Variants in PKD2L2 observed in about 807,000 individuals in gnomAD.
PKD2L2 encodes polycystin-2-like protein 2.
PKD2L2 carries 67 observed loss-of-function variants against 83.9 expected under a neutral mutation model. That is an observed-to-expected ratio of 0.80 (90% CI 0.66 to 0.98). PKD2L2 has a LOEUF of 0.98. Among genes scored for constraint, PKD2L2 ranks in the 50% least tolerant of loss-of-function variants. PKD2L2 has a pLI of 0.00. For missense variants in PKD2L2, 632 were observed against 717.2 expected, an observed-to-expected ratio of 0.88 and a Z score of 1.36; for synonymous variants, 223 against 237.8, an observed-to-expected ratio of 0.94 and a Z score of 0.57.
chr5:137,917,174 T>TC (rs1758445557), intron 8 of PKD2L2, among the ~76,000 whole-genome samples: 1 of 150,104 alleles, frequency 6.7e-6, no homozygotes. Flanking sequence ...TTTTTTTTTT[T>TC]TTTTTGAGAT....
intron 7 of PKD2L2, among the ~76,000 whole-genome samples, chr5:137,908,433 C>G (rs886122684): frequency 6.6e-6 from 1 of 151,822 alleles, no homozygotes; most frequent in Non-Finnish European, 1.5e-5. Flanking sequence ...ACTAAAAATA[C>G]AAAAAATACT....
rs562822955 is a variant in PKD2L2, at chr5:137,898,235, G to A, written c.525-1281G>A. 1.3e-3 allele frequency among the ~76,000 whole-genome samples: 199 copies of A among 152,204 alleles called. 4 individuals are homozygous for A. The highest frequency in any genetic ancestry group is 0.01 in the Middle Eastern group (3 of 294). On this transcript the variant is annotated intron_variant, in intron 4 of 14. Transcript: ENST00000508883. The stretch of plus-strand genomic sequence containing the variant: ...GCCCACCTCAGTCTCCCAAAGTGCT[G>A]GGATTACAGGCATGAGCCATTGCAC...
intron 8 of PKD2L2, among the ~76,000 whole-genome samples, chr5:137,916,627 G>A (rs191193151): frequency 7.3e-5 from 11 of 151,470 alleles, no homozygotes; most frequent in Admixed American, 2.6e-4. Context: ...TTACAGATGC[G>A]CACCACCACA....
chr5:137,908,803 G>A lies in PKD2L2; in HGVS notation c.1185G>A (p.Gln395=). The part of the protein sequence containing the change: ...KFISFNKTMS[Q]LSSTLSRCVK... ...TAAGCTTTAACAAGACAATGTCTCA[G>A]CTGTCATCAACCTTGTCCCGTTGTG... is the stretch of plus-strand genomic sequence containing the variant. The change falls in exon 8 of 15, where the codon CAG becomes CAA. Residue 395 remains glutamine (Q), a synonymous_variant. Coordinates refer to ENST00000508883, the MANE Select transcript of PKD2L2 (RefSeq NM_001300921.2). The A allele has an allele frequency of 1.3e-6, 2 of 1,585,176 alleles. No individual in the cohort carries two copies. The highest frequency in any genetic ancestry group is 1.7e-6 in the Non-Finnish European group (2 of 1,162,624).
chr5:137,937,740 C>T (rs76067011), intron 14 of PKD2L2, among the ~76,000 whole-genome samples: 350 of 152,264 alleles, frequency 2.3e-3, no homozygotes, highest in South Asian at 4.6e-3. Context: ...GTTCTCTCTG[C>T]GGCTTCTCCC....
At chr5:137,914,026 C>T (rs1446028309) in intron 8 of PKD2L2, among the ~76,000 whole-genome samples, 2 of 128,242 alleles carry the variant, frequency 1.6e-5, no homozygotes, top group Middle Eastern at 5.0e-3. Context: ...CACCACCACA[C>T]TTGGCTTTTT....
intron 8 of PKD2L2, among the ~76,000 whole-genome samples, chr5:137,919,206 T>C (rs188822492): frequency 2.8e-4 from 43 of 152,282 alleles, no homozygotes; most frequent in Non-Finnish European, 1.5e-5. Flanking sequence ...AACAGGGCCA[T>C]CAAAAAGTTA....
intron 4 of PKD2L2, among the ~76,000 whole-genome samples, chr5:137,897,318 A>G (rs995483169): frequency 6.6e-6 from 1 of 152,064 alleles, no homozygotes; most frequent in African/African-American, 2.4e-5. Flanking sequence ...CGGCCTCCCA[A>G]AGTGCTGGAA....
At chr5:137,925,257 A>T (rs2150050187) in intron 11 of PKD2L2, among the ~76,000 whole-genome samples, 153 bp downstream of exon 11, 1 of 152,246 alleles carries the variant, frequency 6.6e-6, no homozygotes, top group South Asian at 2.1e-4. Flanking sequence ...CAAACTCCTG[A>T]CCTCAGGTGA....
chr5:137,914,808 T>C (rs1335902585), intron 8 of PKD2L2, among the ~76,000 whole-genome samples: 1 of 152,204 alleles, frequency 6.6e-6, no homozygotes, highest in African/African-American at 2.4e-5. Context: ...ATTCTTTCTA[T>C]ACCTAATTTG....
Position 137,889,513 on chromosome 5 carries a change from C to T in PKD2L2, c.22C>T (p.His8Tyr), listed in dbSNP as rs760714535. The change falls in exon 1 of 15, where the codon CAC becomes TAC. Residue 8 changes from histidine (H) to tyrosine (Y), a missense_variant. Around this residue, in one of 3 missense-constraint regions of PKD2L2, gnomAD observed 229 missense variants for 281.5 expected, o/e 0.81. Transcript: ENST00000508883. ...CGCCATGGCTGAGGCGTCACGGTGG[C>T]ACCGAGGCGGTGAGGGGTCCTCTTA... MAEASRW[H>Y]RGGASKHKLH... is the part of the protein sequence containing the mutation. The T allele has an allele frequency of 3.9e-6, 6 of 1,556,556 alleles. No individual in the cohort carries two copies. Among genetic ancestry groups the T allele is most frequent in the African/African-American group, 1.4e-5 (1 of 69,440 alleles).
intron 6 of PKD2L2, among the ~76,000 whole-genome samples, chr5:137,907,142 G>A (rs1757435280): frequency 6.6e-6 from 1 of 152,180 alleles, no homozygotes; most frequent in South Asian, 2.1e-4. Flanking sequence ...CCCAAAAACA[G>A]ATTGAAGGTT....
intron 4 of PKD2L2, among the ~76,000 whole-genome samples, chr5:137,896,421 T>C (rs954900120): frequency 6.6e-6 from 1 of 152,162 alleles, no homozygotes; most frequent in African/African-American, 2.4e-5. Context: ...TTTTTGTTTT[T>C]TTCGTTAGGG....
At chr5:137,929,546 A>AC (rs1554110318) in intron 12 of PKD2L2, among the ~76,000 whole-genome samples, 4 of 147,526 alleles carry the variant, frequency 2.7e-5, no homozygotes, top group Non-Finnish European at 6.0e-5. Flanking sequence ...AAAAAAAAAA[A>AC]AAAAAAAAAA....
chr5:137,894,040 G>A (rs1456867520), intron 3 of PKD2L2, among the ~76,000 whole-genome samples: 2 of 152,136 alleles, frequency 1.3e-5, no homozygotes, highest in African/African-American at 2.4e-5. Context: ...ATCATGATGT[G>A]TGGCTATGAC....
At chr5:137,935,670 A>G (rs1420809768) in intron 12 of PKD2L2, 127 bp from the exon 13 acceptor site, 10 of 606,574 alleles carry the variant, frequency 1.6e-5, no homozygotes, top group Non-Finnish European at 2.6e-5. Context: ...AAAAGTCAGC[A>G]GGGCTCAAAA....
At chr5:137,941,715 G>C (rs780596921) in intron 14 of PKD2L2, among the ~76,000 whole-genome samples, 29 of 152,140 alleles carry the variant, frequency 1.9e-4, no homozygotes, top group Admixed American at 1.8e-3. Flanking sequence ...TACAACCAAG[G>C]CTCCCTAGGA....
intron 12 of PKD2L2, 111 bp downstream of exon 12, chr5:137,926,040 T>C (rs1296659246): frequency 8.3e-6 from 5 of 601,562 alleles, no homozygotes; most frequent in Non-Finnish European, 9.1e-6. Context: ...AGAATAGTAA[T>C]TGTCATCTCC....
At chr5:137,940,501 C>G in intron 14 of PKD2L2, 1 of 583,814 alleles carries the variant, frequency 1.7e-6, no homozygotes, top group Non-Finnish European at 3.0e-6. Context: ...TGAACTAATA[C>G]CCTCATCCCC....
Sources: gnomAD v4.1 joint callset for allele counts (sites outside exome capture counted in the v4.1 genomes callset) on GRCh38, gnomAD v4.1.1 for gene constraint, gnomAD v4.1.1 regional missense constraint, MANE v1.5 for transcripts, NCBI Gene and HGNC (gene_info 2026-07-23, HGNC 2026-07-21) for gene names.